Variants in TSPAN5 observed in about 807,000 individuals in gnomAD.
TSPAN5 encodes tetraspanin-5.
Under a neutral mutation model 37.1 loss-of-function variants are expected in TSPAN5, and 10 were observed. The observed-to-expected ratio is 0.27, with a 90% CI of 0.17 to 0.46. TSPAN5 has a LOEUF of 0.46. Among genes scored for constraint, TSPAN5 ranks in the 20% least tolerant of loss-of-function variants. The pLI is 1.00. For synonymous variants in TSPAN5, 110 were observed against 118.9 expected, an observed-to-expected ratio of 0.93 and a Z score of 0.48; for missense variants, 195 against 326.6, an observed-to-expected ratio of 0.60 and a Z score of 3.11.
chr4:98,533,461 C>A (rs1380730939), intron 1 of TSPAN5, among the ~76,000 whole-genome samples: 1 of 147,120 alleles, frequency 6.8e-6, no homozygotes, highest in Non-Finnish European at 1.5e-5. Flanking sequence ...CAGGTTTTCT[C>A]ATTTATTTGC....
At position 98,522,692 on chromosome 4, in the gene TSPAN5, G is replaced by A. The variant is rs575486377; in HGVS notation, c.82-14964C>T. Among the ~76,000 whole-genome samples, 5 of 152,272 alleles carry A rather than the reference G, an allele frequency of 3.3e-5. No homozygotes were observed. The South Asian group carries it at 1.0e-3, about 32-fold the overall frequency. On this transcript the variant is annotated intron_variant, in intron 1 of 7. Coordinates refer to ENST00000305798, the MANE Select transcript of TSPAN5 (RefSeq NM_005723.4). ...ACAGAGGCAATTAGTCCTTTGTTGTGGATGACAAATAACCTCCACATAAAA... is the reference window on the plus strand; with the variant it reads ...ACAGAGGCAATTAGTCCTTTGTTGTAGATGACAAATAACCTCCACATAAAA...
chr4:98,619,545 A>T (rs185608462), intron 1 of TSPAN5, among the ~76,000 whole-genome samples: 116 of 152,294 alleles, frequency 7.6e-4, no homozygotes, highest in African/African-American at 2.7e-3. Flanking sequence ...TCTATGTGCC[A>T]GCTACTGTGC....
At chr4:98,480,877 G>C (rs73832320) in intron 4 of TSPAN5, among the ~76,000 whole-genome samples, 8,043 of 152,200 alleles carry the variant, frequency 0.053, 502 homozygotes, top group African/African-American at 0.16. Context: ...ACGAAATGTT[G>C]CTGCCACTGA....
At chr4:98,556,126 C>G (rs1451374802) in intron 1 of TSPAN5, among the ~76,000 whole-genome samples, 1 of 149,472 alleles carries the variant, frequency 6.7e-6, no homozygotes, top group Admixed American at 6.8e-5. Flanking sequence ...ACCACTGGGA[C>G]TTCACAATCC....
intron 5 of TSPAN5, among the ~76,000 whole-genome samples, 158 bp from the exon 6 acceptor site, chr4:98,476,618 T>A (rs184419985): frequency 6.6e-6 from 1 of 152,212 alleles, no homozygotes; most frequent in Non-Finnish European, 1.5e-5. Context: ...CATGATCCCA[T>A]GTCATTATTG....
chr4:98,640,120 C>T (rs770636837), intron 1 of TSPAN5, among the ~76,000 whole-genome samples: 3 of 151,658 alleles, frequency 2.0e-5, no homozygotes, highest in South Asian at 2.1e-4. Flanking sequence ...CCATAAAAAT[C>T]GTTTGCAACA....
At position 98,631,379 on chromosome 4, in the gene TSPAN5, T is replaced by C. The variant is rs118050893; in HGVS notation, c.81+26767A>G. Among the ~76,000 whole-genome samples the C allele has an allele frequency of 1.2e-4, 18 of 152,246 alleles. No individual in the cohort carries two copies. The East Asian group carries it at 2.5e-3, about 21-fold the overall frequency. ...TTCACCCCAATATCTGGGAAGCATA[T>C]AGCCTTCACTGCACATGTTCCATCC... On this transcript the variant is annotated intron_variant, in intron 1 of 7. Coordinates refer to ENST00000305798, the MANE Select transcript of TSPAN5 (RefSeq NM_005723.4).
At chr4:98,494,765 T>C (rs1003623468) in intron 2 of TSPAN5, among the ~76,000 whole-genome samples, 1 of 152,122 alleles carries the variant, frequency 6.6e-6, no homozygotes, top group Non-Finnish European at 1.5e-5. Context: ...TGTTTTGCTC[T>C]GGGTACTTGC....
At chr4:98,621,735 A>C (rs537997196) in intron 1 of TSPAN5, among the ~76,000 whole-genome samples, 1 of 152,210 alleles carries the variant, frequency 6.6e-6, no homozygotes, top group Non-Finnish European at 1.5e-5. Context: ...TGCAGCCAGC[A>C]CCACTATCTG....
At chr4:98,652,993 T>C (rs1757223452) in intron 1 of TSPAN5, among the ~76,000 whole-genome samples, 1 of 152,222 alleles carries the variant, frequency 6.6e-6, no homozygotes, top group African/African-American at 2.4e-5. Context: ...TAAGCAAGCC[T>C]ATATTCAATT....
At chr4:98,503,371 G>A (rs995562315) in intron 2 of TSPAN5, among the ~76,000 whole-genome samples, 20 of 152,096 alleles carry the variant, frequency 1.3e-4, no homozygotes, top group Non-Finnish European at 2.4e-4. Flanking sequence ...CCAACAAAAT[G>A]GACAAGGGGC....
At chr4:98,482,895 G>A (rs934679984) in intron 3 of TSPAN5, 1 of 152,086 alleles carries the variant, frequency 6.6e-6, no homozygotes, top group African/African-American at 2.4e-5. Flanking sequence ...TGCAGCCAAG[G>A]GGAGACTTCC....
chr4:98,509,161 G>T (rs184219324), intron 1 of TSPAN5, among the ~76,000 whole-genome samples: 1 of 152,292 alleles, frequency 6.6e-6, no homozygotes, highest in East Asian at 1.9e-4. Flanking sequence ...GTTTCAGTGT[G>T]ATGGCAGCAC....
intron 1 of TSPAN5, among the ~76,000 whole-genome samples, chr4:98,540,420 C>T (rs1283358279): frequency 1.3e-5 from 2 of 152,110 alleles, no homozygotes; most frequent in Non-Finnish European, 2.9e-5. Flanking sequence ...TCACTGCAAC[C>T]TCCGCCTCCC....
rs1480888588 is a variant in TSPAN5 at position 98,644,837 on chromosome 4, G to A, written c.81+13309C>T. 3.3e-5 allele frequency among the ~76,000 whole-genome samples: 5 copies of A among 152,086 alleles called. No homozygotes were observed. The East Asian group carries it at 7.7e-4, about 23-fold the overall frequency. ...GATGTAACTACTCACTGGGCCTAGGGTTAGCAACTTTTCAGAAATGGGGGA... is the reference window on the plus strand; with the variant it reads ...GATGTAACTACTCACTGGGCCTAGGATTAGCAACTTTTCAGAAATGGGGGA... On this transcript the variant is annotated intron_variant, in intron 1 of 7. Transcript: ENST00000305798.
chr4:98,530,062 G>T (rs973789870), intron 1 of TSPAN5, among the ~76,000 whole-genome samples: 1 of 152,204 alleles, frequency 6.6e-6, no homozygotes, highest in Non-Finnish European at 1.5e-5. Flanking sequence ...TCTTGGACAT[G>T]GCACCTGGCA....
rs554414029 is a variant in TSPAN5 at position 98,640,904 on chromosome 4, C to A, written c.81+17242G>T. ...TGAGTGCTCAGGGTTGGATGTACAT[C>A]ATCTCATGGAATCTTCACAATGATC... is the stretch of plus-strand genomic sequence containing the variant. On this transcript the variant is annotated intron_variant, in intron 1 of 7. Transcript: ENST00000305798. Among the ~76,000 whole-genome samples the A allele has an allele frequency of 1.1e-4, 16 of 152,284 alleles. 1 individual carries two copies. In the South Asian group the frequency reaches 2.7e-3, roughly 26 times the overall value.
rs79833831 is a variant in TSPAN5, at chr4:98,513,081, A to T, written c.82-5353T>A. Among the ~76,000 whole-genome samples the T allele has an allele frequency of 5.3e-3, 812 of 152,302 alleles. 9 individuals are homozygous for T. The highest frequency in any genetic ancestry group is 0.018 in the African/African-American group (762 of 41,560). ...GGAGTTAATGAGCAAAGAAAGGAGG[A>T]AGAGTGTTTCAGGCAGAGCAGAATG... On this transcript the variant is annotated intron_variant, in intron 1 of 7. Coordinates refer to ENST00000305798, the MANE Select transcript of TSPAN5 (RefSeq NM_005723.4).
intron 1 of TSPAN5, among the ~76,000 whole-genome samples, chr4:98,634,957 C>A (rs981257350): frequency 3.3e-5 from 5 of 152,120 alleles, no homozygotes; most frequent in Admixed American, 2.0e-4. Context: ...ACAGACAGAC[C>A]TGTGAGTGAT....
Sources: gnomAD v4.1 joint callset for allele counts (sites outside exome capture counted in the v4.1 genomes callset) on GRCh38, gnomAD v4.1.1 for gene constraint, MANE v1.5 for transcripts, NCBI Gene and HGNC (gene_info 2026-07-23, HGNC 2026-07-21) for gene names.